AOPEP: variants seen among roughly 807,000 people sequenced by gnomAD.
The protein encoded by AOPEP is aminopeptidase O (putative).
In AOPEP, 77 loss-of-function variants were observed where a neutral mutation model predicts 98.1. The observed-to-expected ratio is 0.78, with a 90% confidence interval of 0.65 to 0.95. The LOEUF (loss-of-function observed/expected upper bound fraction) is 0.95. Among genes scored for constraint, AOPEP ranks in the 40% least tolerant of loss-of-function variants. AOPEP has a pLI of 0.00. For synonymous variants in AOPEP, 346 were observed against 365.3 expected, an observed-to-expected ratio of 0.95 and a Z score of 0.60; for missense variants, 1,024 against 1,024.7, an observed-to-expected ratio of 1.00 and a Z score of 0.01.
At chr9:94,761,566 G>A (rs896045496) in intron 2 of AOPEP, among the ~76,000 whole-genome samples, 9 of 152,226 alleles carry the variant, frequency 5.9e-5, no homozygotes, top group Non-Finnish European at 1.5e-5. Context: ...TTGCTTACAT[G>A]TCTCCCTCAA....
At chr9:94,820,286 G>A (rs1330392733) in intron 5 of AOPEP, among the ~76,000 whole-genome samples, 1 of 152,042 alleles carries the variant, frequency 6.6e-6, no homozygotes, top group Non-Finnish European at 1.5e-5. Context: ...CCTCTGTTCC[G>A]ATTTTCCATT....
intron 14 of AOPEP, among the ~76,000 whole-genome samples, chr9:95,079,249 A>G (rs1031124547): frequency 1.3e-5 from 2 of 152,214 alleles, no homozygotes; most frequent in African/African-American, 2.4e-5. Flanking sequence ...TTGCATGTAA[A>G]CCTATTTAGA....
intron 1 of AOPEP, among the ~76,000 whole-genome samples, chr9:94,750,796 G>A (rs1588038626): frequency 1.5e-5 from 2 of 129,890 alleles, no homozygotes; most frequent in Admixed American, 9.1e-5. Context: ...TCACTCTGTC[G>A]CCAGGCAGTG....
At chr9:94,808,176 G>T (rs1849661566) in intron 5 of AOPEP, among the ~76,000 whole-genome samples, 1 of 152,026 alleles carries the variant, frequency 6.6e-6, no homozygotes, top group Admixed American at 6.6e-5. Context: ...AGTAGCAGGG[G>T]CTACAGGTGC....
intron 7 of AOPEP, among the ~76,000 whole-genome samples, chr9:94,931,278 A>G (rs1256054318): frequency 6.6e-6 from 1 of 152,156 alleles, no homozygotes; most frequent in Non-Finnish European, 1.5e-5. Context: ...CCTTTGTACT[A>G]GACAGTTTTT....
chr9:94,776,915 A>ATT (rs776753790), intron 3 of AOPEP, among the ~76,000 whole-genome samples: 4 of 128,620 alleles, frequency 3.1e-5, no homozygotes, highest in Admixed American at 7.7e-5. Flanking sequence ...AAATAGCTTC[A>ATT]TTTTTTTTTT....
At chr9:95,126,861 A>C in the AOPEP span, 4 of 421,242 alleles carry the variant, frequency 9.5e-6, no homozygotes, top group East Asian at 1.8e-4. Flanking sequence ...ATACAGAATC[A>C]GTAAGTATTA....
At chr9:94,987,915 G>T (rs2060624004) in intron 11 of AOPEP, among the ~76,000 whole-genome samples, 1 of 152,086 alleles carries the variant, frequency 6.6e-6, no homozygotes. Flanking sequence ...TGCAAGGAGT[G>T]ACAGGACTTG....
At chr9:94,803,853 G>T (rs1848684543) in intron 5 of AOPEP, among the ~76,000 whole-genome samples, 1 of 152,166 alleles carries the variant, frequency 6.6e-6, no homozygotes, top group African/African-American at 2.4e-5. Flanking sequence ...TTTCCTCAGT[G>T]GGTGTGTGTG....
chr9:94,912,679 G>A lies in AOPEP; in HGVS notation c.1365-11307G>A, dbSNP rs1478417343. Reference sequence around the variant, plus strand: ...GCAGAGACTAAAGAGTAGGAATCTCGGCTATGGGCTCCCTGGGAAAAGTTG... The same window carrying A: ...GCAGAGACTAAAGAGTAGGAATCTCAGCTATGGGCTCCCTGGGAAAAGTTG... On this transcript the variant is annotated intron_variant, in intron 5 of 16. Coordinates refer to ENST00000375315, the MANE Select transcript of AOPEP (RefSeq NM_001193329.3). 3.3e-5 allele frequency among the ~76,000 whole-genome samples: 5 copies of A among 152,176 alleles called. No homozygotes were observed. The South Asian group carries it at 6.2e-4, about 19-fold the overall frequency.
At chr9:94,753,697 C>T (rs1836350351) in intron 1 of AOPEP, among the ~76,000 whole-genome samples, 1 of 151,928 alleles carries the variant, frequency 6.6e-6, no homozygotes, top group South Asian at 2.1e-4. Context: ...AATAGCCAGC[C>T]AAATGTTGTT....
At chr9:94,966,755 A>C (rs185208166) in intron 9 of AOPEP, among the ~76,000 whole-genome samples, 1 of 152,326 alleles carries the variant, frequency 6.6e-6, no homozygotes, top group Non-Finnish European at 1.5e-5. Context: ...ATAATTTTTT[A>C]ATGTAGTTAT....
rs144309746 is a variant in AOPEP, at chr9:94,801,077, C to T, written c.1364+75C>T. 316 of 1,528,370 alleles carry T rather than the reference C, an allele frequency of 2.1e-4. No individual in the cohort carries two copies. The African/African-American group carries it at 4.0e-3, about 19-fold the overall frequency. The allele number at this position is 1,528,370 out of a possible 1,614,324, so 94.7% of individuals were successfully genotyped here. A position where few individuals can be genotyped will look rare whatever the true frequency, so the allele number is the denominator to read the frequency against. ...TTGACTATGTCTTGCTTTCCTTGAG[C>T]TCTGTCAGAGCAGTCATTTGATTAG... On this transcript the variant is annotated intron_variant, in intron 5 of 16. Coordinates refer to ENST00000375315, the MANE Select transcript of AOPEP (RefSeq NM_001193329.3).
chr9:94,805,385 C>G (rs1422774754), intron 5 of AOPEP, among the ~76,000 whole-genome samples: 2 of 152,072 alleles, frequency 1.3e-5, no homozygotes, highest in African/African-American at 4.8e-5. Flanking sequence ...TTGATTGATT[C>G]TTTGCAAGGG....
intron 6 of AOPEP, among the ~76,000 whole-genome samples, 185 bp downstream of exon 6, chr9:94,924,360 G>T (rs1040626364): frequency 1.3e-5 from 2 of 152,146 alleles, no homozygotes; most frequent in African/African-American, 4.8e-5. Context: ...TCTAGAGATG[G>T]GAGAGAGAGT....
intron 11 of AOPEP, among the ~76,000 whole-genome samples, chr9:94,988,415 A>G (rs893442699): frequency 2.1e-4 from 32 of 152,180 alleles, no homozygotes; most frequent in African/African-American, 7.5e-4. Context: ...CTTTCTCATT[A>G]GGGATAAAGG....
In AOPEP at chr9:94,736,014, T is replaced by C. The variant is rs573274302; in HGVS notation, c.-136+9263T>C. ...GGTACTTCAGTACTTCATTCCTTTT[T>C]ACAGCTGAATAATATTCCACTGTGT... On this transcript the variant is annotated intron_variant, in intron 1 of 16. Coordinates refer to ENST00000375315, the MANE Select transcript of AOPEP (RefSeq NM_001193329.3). Among the ~76,000 whole-genome samples the C allele has an allele frequency of 2.4e-4, 36 of 152,372 alleles. No homozygotes were observed. The South Asian group carries it at 5.4e-3, about 23-fold the overall frequency.
the AOPEP span, among the ~76,000 whole-genome samples, chr9:95,145,774 C>T: frequency 6.6e-6 from 1 of 152,140 alleles, no homozygotes; most frequent in East Asian, 1.9e-4. Flanking sequence ...CACCTAAGCC[C>T]ACAGGACTGT....
At chr9:94,870,901 A>G (rs1222217712) in intron 5 of AOPEP, among the ~76,000 whole-genome samples, 1 of 152,172 alleles carries the variant, frequency 6.6e-6, no homozygotes, top group Non-Finnish European at 1.5e-5. Context: ...TGGCCTTCAT[A>G]AGGGTGTTCG....
Sources: allele counts gnomAD v4.1 joint callset (sites outside exome capture counted in the v4.1 genomes callset), GRCh38; gene constraint gnomAD v4.1.1; transcripts MANE v1.5; gene names NCBI Gene and HGNC (gene_info 2026-07-23, HGNC 2026-07-21).